The following GDPD1 variants were observed in gnomAD, a reference collection of about 807,000 sequenced individuals.
GDPD1 encodes the protein lysophospholipase D GDPD1.
GDPD1 carries 28 observed loss-of-function variants against 45.1 expected under a neutral mutation model. The ratio of observed to expected loss-of-function variants is 0.62; its 90% CI spans 0.46 to 0.85. GDPD1 has a LOEUF of 0.85. GDPD1 is among the 40% of genes least tolerant of loss of function. The pLI is 0.00. For missense variants in GDPD1, 256 were observed against 364.8 expected (o/e 0.70, Z 2.43); for synonymous variants, 139 against 131.4 (o/e 1.06, Z -0.40).
In GDPD1 at chr17:59,274,138, T is replaced by A; in HGVS notation, c.*365T>A. 1.1e-6 allele frequency: 1 copy of A among 881,848 alleles called. No homozygotes were observed. Among genetic ancestry groups the A allele is most frequent in the Non-Finnish European group, 1.4e-6 (1 of 736,412 alleles). The allele number at this position is 881,848 out of a possible 1,614,324, so 54.6% of individuals were successfully genotyped here. A position where few individuals can be genotyped will look rare whatever the true frequency, so the allele number is the denominator to read the frequency against. ...TTGATCAATAACCTAGAAACTAGGT[T>A]ATCTAGGTTATTGATCAAGATTTCT... On this transcript the variant is annotated 3_prime_UTR_variant, in exon 10 of 10. Coordinates refer to ENST00000284116, the MANE Select transcript of GDPD1 (RefSeq NM_182569.4).
At chr17:59,255,848 T>TGTAC (rs2047302158) in intron 4 of GDPD1, among the ~76,000 whole-genome samples, 1 of 84,646 alleles carries the variant, frequency 1.2e-5, no homozygotes, top group Non-Finnish European at 2.1e-5. Context: ...TATATATATA[T>TGTAC]ATACACACGT....
intron 4 of GDPD1, among the ~76,000 whole-genome samples, chr17:59,255,758 A>AT (rs1555724138): frequency 3.8e-4 from 29 of 76,558 alleles, no homozygotes; most frequent in African/African-American, 9.1e-4. Flanking sequence ...AAAAAAAAAA[A>AT]AAAAATATAT....
chr17:59,234,401 A>AAAG, intron 1 of GDPD1, 91 bp from the exon 2 acceptor site: 1 of 711,342 alleles, frequency 1.4e-6, no homozygotes, highest in Non-Finnish European at 2.4e-6. Flanking sequence ...AAAAAAAAAA[A>AAAG]GGTCAAGATT....
intron 2 of GDPD1, 147 bp from the exon 3 acceptor site, chr17:59,245,267 A>G (rs765279066): frequency 3.8e-5 from 20 of 530,794 alleles, no homozygotes; most frequent in Non-Finnish European, 6.6e-5. Flanking sequence ...ATATTTTCAT[A>G]TTAATAAGTC....
chr17:59,256,860 T>G (rs1031555416), intron 4 of GDPD1, among the ~76,000 whole-genome samples: 3 of 152,198 alleles, frequency 2.0e-5, no homozygotes, highest in African/African-American at 7.2e-5. Flanking sequence ...ATATTTATTT[T>G]TATGTGAAAA....
chr17:59,261,913 CTTTTT>C lies in GDPD1; in HGVS notation c.576+4091_576+4095del, dbSNP rs58058526. 6.8e-4 allele frequency among the ~76,000 whole-genome samples: 54 copies of C among 79,326 alleles called. No homozygotes were observed. In the South Asian group the frequency reaches 7.2e-3, roughly 11 times the overall value. The allele number at this position is 79,326 out of a possible 152,430, so 52.0% of individuals were successfully genotyped here. ...TTTCCCAAAGTGCTGAGATTACAGG[CTTTTT>C]TTTTTTTTTTTTTTTTTGAGACGGA... On this transcript the variant is annotated intron_variant, in intron 6 of 9. Transcript: ENST00000284116.
intron 1 of GDPD1, among the ~76,000 whole-genome samples, chr17:59,230,810 C>G (rs951495208): frequency 2.6e-5 from 4 of 152,168 alleles, no homozygotes; most frequent in African/African-American, 9.7e-5. Flanking sequence ...TGTTGAAAAT[C>G]TGACACAAGA....
chr17:59,259,109 A>C (rs2053088768), intron 6 of GDPD1, among the ~76,000 whole-genome samples: 1 of 151,400 alleles, frequency 6.6e-6, no homozygotes, highest in Non-Finnish European at 1.5e-5. Context: ...CAGCCTGGGC[A>C]ACATAGTAAG....
chr17:59,249,610 C>T (rs1200415908), intron 4 of GDPD1, among the ~76,000 whole-genome samples: 1 of 152,092 alleles, frequency 6.6e-6, no homozygotes, highest in Non-Finnish European at 1.5e-5. Context: ...GAACATTTCT[C>T]ACAAAGAAAC....
In GDPD1 at chr17:59,270,989, C is replaced by G. The variant is rs1273128684; in HGVS notation, c.764C>G (p.Ser255Cys). 1 of 1,586,064 alleles carries G rather than the reference C, an allele frequency of 6.3e-7. No homozygotes were observed. Among genetic ancestry groups the G allele is most frequent in the Non-Finnish European group, 8.6e-7 (1 of 1,158,578 alleles). Residue 255 changes from serine (S) to cysteine (C), a missense_variant, in exon 8 of 10, where the codon TCT (serine) becomes TGT (cysteine). By Grantham distance (112) the Ser-to-Cys change is moderately radical. Transcript: ENST00000284116. ...AGTCAAAAGTTTCTCATCTGGCTTTCTGATCTGTAAGAATTTTAATTTCTT... is the reference window on the plus strand; with the variant it reads ...AGTCAAAAGTTTCTCATCTGGCTTTGTGATCTGTAAGAATTTTAATTTCTT... Reference protein sequence around the residue: ...SRSQKFLIWLSDLLLMRKALF... With the variant: ...SRSQKFLIWLCDLLLMRKALF...
chr17:59,242,384 A>G (rs2047181674), intron 2 of GDPD1, among the ~76,000 whole-genome samples: 1 of 152,162 alleles, frequency 6.6e-6, no homozygotes, highest in African/African-American at 2.4e-5. Context: ...TCTTAATGGC[A>G]GTATATTTGT....
At chr17:59,227,580 G>A (rs1483110806) in intron 1 of GDPD1, among the ~76,000 whole-genome samples, 1 of 151,810 alleles carries the variant, frequency 6.6e-6, no homozygotes, top group African/African-American at 2.4e-5. Flanking sequence ...TGCAGTTAAT[G>A]GACATTTACC....
rs369742705 is a variant in GDPD1 at position 59,261,466 on chromosome 17, AT to A, written c.576+3634del. On this transcript the variant is annotated intron_variant, in intron 6 of 9. Transcript: ENST00000284116. ...ACATGCTTACAAAAACCTATAAATG[AT>A]TTTTTTTAATTTAATGATTTATTTT... Among the ~76,000 whole-genome samples, 119 of 151,778 alleles carry A rather than the reference AT, an allele frequency of 7.8e-4. 1 individual carries two copies. The East Asian group carries it at 0.012, about 16-fold the overall frequency.
chr17:59,270,381 A>G, intron 7 of GDPD1, among the ~76,000 whole-genome samples: 1 of 140,218 alleles, frequency 7.1e-6, no homozygotes, highest in South Asian at 2.2e-4. Context: ...TTTAGTAGAG[A>G]CGGGGGGGGG....
chr17:59,257,888 G>A (rs1459898206), intron 6 of GDPD1, 48 bp downstream of exon 6: 8 of 1,233,842 alleles, frequency 6.5e-6, no homozygotes, highest in South Asian at 5.3e-5. Context: ...TTGTTGTTTT[G>A]TATCTACAAA....
intron 4 of GDPD1, among the ~76,000 whole-genome samples, chr17:59,250,707 T>TTG (rs1343340897): frequency 2.0e-5 from 3 of 152,162 alleles, no homozygotes; most frequent in Non-Finnish European, 4.4e-5. Context: ...AAACTGTTTT[T>TTG]TCTTTCTTTT....
chr17:59,260,201 T>A (rs756078226), intron 6 of GDPD1, among the ~76,000 whole-genome samples: 1 of 146,002 alleles, frequency 6.8e-6, no homozygotes, highest in Middle Eastern at 4.0e-3. Context: ...TTAAGCAAGA[T>A]ATAAAAGCAG....
At chr17:59,234,986 T>C (rs1008232554) in intron 2 of GDPD1, among the ~76,000 whole-genome samples, 3 of 151,888 alleles carry the variant, frequency 2.0e-5, no homozygotes, top group Admixed American at 1.3e-4. Flanking sequence ...TTTTTTTTTT[T>C]TCAAATAAAA....
At chr17:59,245,590 C>A (rs202077196) in intron 3 of GDPD1, 41 bp downstream of exon 3, 2 of 1,497,520 alleles carry the variant, frequency 1.3e-6, no homozygotes, top group African/African-American at 1.4e-5. Context: ...TAATAGATGT[C>A]GCGGCCTATA....
Sources: allele counts gnomAD v4.1 joint callset (sites outside exome capture counted in the v4.1 genomes callset), GRCh38; gene constraint gnomAD v4.1.1; transcripts MANE v1.5; gene names NCBI Gene and HGNC (gene_info 2026-07-23, HGNC 2026-07-21).